NALF1: variants seen among roughly 807,000 people sequenced by gnomAD.
NALF1 encodes the protein family with sequence similarity 155 member A.
In NALF1, 3 loss-of-function variants were observed where a neutral mutation model predicts 48.4. The ratio of observed to expected loss-of-function variants is 0.06; its 90% CI spans 0.03 to 0.16. The LOEUF is 0.16. Ranked by LOEUF, NALF1 falls within the 10% of genes least tolerant of loss-of-function variation. NALF1 has a pLI of 1.00. For synonymous variants in NALF1, 262 were observed against 245.7 expected, an observed-to-expected ratio of 1.07 and a Z score of -0.62; for missense variants, 526 against 571.5, an observed-to-expected ratio of 0.92 and a Z score of 0.81.
intron 1 of NALF1, among the ~76,000 whole-genome samples, chr13:107,670,153 G>C (rs1471538992): frequency 6.6e-6 from 1 of 152,042 alleles, no homozygotes; most frequent in Non-Finnish European, 1.5e-5. Context: ...GAATTTGCTG[G>C]TGTGCGTAAA....
At chr13:107,189,803 G>A (rs1211418808) in intron 2 of NALF1, among the ~76,000 whole-genome samples, 2 of 152,206 alleles carry the variant, frequency 1.3e-5, no homozygotes, top group Non-Finnish European at 2.9e-5. Flanking sequence ...GGTGCCTAAG[G>A]AGTTTCATGA....
intron 1 of NALF1, among the ~76,000 whole-genome samples, chr13:107,407,378 G>T (rs931686024): frequency 1.3e-5 from 2 of 151,962 alleles, no homozygotes; most frequent in African/African-American, 4.8e-5. Context: ...TTAATCACCA[G>T]AATATATAAG....
intron 1 of NALF1, among the ~76,000 whole-genome samples, chr13:107,370,632 C>G (rs1448605319): frequency 1.0e-5 from 1 of 99,852 alleles, no homozygotes. Context: ...CCATGCTGAG[C>G]TGCTTCTTTA....
intron 1 of NALF1, among the ~76,000 whole-genome samples, chr13:107,862,485 G>T (rs553308344): frequency 6.6e-6 from 1 of 151,950 alleles, no homozygotes; most frequent in African/African-American, 2.4e-5. Context: ...TTCTGCTGTA[G>T]TATTTACTAC....
chr13:107,799,343 G>A (rs1298768298), intron 1 of NALF1, among the ~76,000 whole-genome samples: 1 of 152,198 alleles, frequency 6.6e-6, no homozygotes, highest in Non-Finnish European at 1.5e-5. Flanking sequence ...TCCCTTGCAG[G>A]TACGGAGATG....
chr13:107,612,294 G>C (rs541142337), intron 1 of NALF1, among the ~76,000 whole-genome samples: 1 of 152,270 alleles, frequency 6.6e-6, no homozygotes, highest in African/African-American at 2.4e-5. Flanking sequence ...TTGCTGTTCA[G>C]TAGGTATGAA....
At chr13:107,631,816 A>G (rs1417060882) in intron 1 of NALF1, among the ~76,000 whole-genome samples, 2 of 152,192 alleles carry the variant, frequency 1.3e-5, no homozygotes, top group Non-Finnish European at 2.9e-5. Flanking sequence ...AAATATTAGA[A>G]GTATTTCATG....
chr13:107,821,895 A>G (rs1879369896), intron 1 of NALF1, among the ~76,000 whole-genome samples: 1 of 152,194 alleles, frequency 6.6e-6, no homozygotes, highest in African/African-American at 2.4e-5. Flanking sequence ...ACATTCAAAC[A>G]TATTTTAGAA....
At chr13:107,799,347 G>A (rs982824630) in intron 1 of NALF1, among the ~76,000 whole-genome samples, 2 of 152,162 alleles carry the variant, frequency 1.3e-5, no homozygotes, top group African/African-American at 2.4e-5. Flanking sequence ...TTGCAGGTAC[G>A]GAGATGAAAG....
At chr13:107,838,245 A>G (rs1205537893) in intron 1 of NALF1, among the ~76,000 whole-genome samples, 2 of 152,032 alleles carry the variant, frequency 1.3e-5, no homozygotes, top group Non-Finnish European at 2.9e-5. Flanking sequence ...GGATTGTCAG[A>G]AAAGCACCCT....
intron 1 of NALF1, among the ~76,000 whole-genome samples, chr13:107,589,507 T>C (rs1303338847): frequency 1.3e-5 from 2 of 152,050 alleles, no homozygotes; most frequent in Non-Finnish European, 2.9e-5. Context: ...ATTCTTGATA[T>C]ATTCAAACAG....
chr13:107,679,612 C>T (rs1020541985), intron 1 of NALF1, among the ~76,000 whole-genome samples: 3 of 152,310 alleles, frequency 2.0e-5, no homozygotes, highest in South Asian at 2.1e-4. Context: ...ACCTCCTCAG[C>T]GCCCCCCACG....
rs79200638 is a variant in NALF1, at chr13:107,520,952, C to T, written c.916-310197G>A. Reference sequence around the variant, plus strand: ...CTCCACGGGATAAGGCTAAGAAAGACGTACCCAGTGATCTATGCTTTACAC... The same window carrying T: ...CTCCACGGGATAAGGCTAAGAAAGATGTACCCAGTGATCTATGCTTTACAC... On this transcript the variant is annotated intron_variant, in intron 1 of 2. Coordinates refer to ENST00000375915, the MANE Select transcript of NALF1 (RefSeq NM_001080396.3). 4.9e-4 allele frequency among the ~76,000 whole-genome samples: 74 copies of T among 152,228 alleles called. 1 individual carries two copies. The East Asian group carries it at 0.012, about 26-fold the overall frequency.
chr13:107,354,304 T>C (rs1198109926), intron 1 of NALF1, among the ~76,000 whole-genome samples: 2 of 150,934 alleles, frequency 1.3e-5, no homozygotes, highest in Non-Finnish European at 3.0e-5. Flanking sequence ...ATGTGAGAGG[T>C]GGTATTGGGG....
intron 1 of NALF1, among the ~76,000 whole-genome samples, chr13:107,346,357 C>G (rs894458568): frequency 1.1e-4 from 17 of 152,044 alleles, no homozygotes; most frequent in Non-Finnish European, 7.4e-5. Context: ...ACGCAATATC[C>G]AAGAGGCAGA....
chr13:107,494,449 C>T (rs1175168904), intron 1 of NALF1, among the ~76,000 whole-genome samples: 2 of 152,140 alleles, frequency 1.3e-5, no homozygotes, highest in East Asian at 3.8e-4. Context: ...GAGCTGAAAT[C>T]AACACTGCTT....
intron 1 of NALF1, among the ~76,000 whole-genome samples, chr13:107,523,070 A>G (rs545073873): frequency 6.6e-6 from 1 of 152,294 alleles, no homozygotes; most frequent in South Asian, 2.1e-4. Context: ...GAATGGATAA[A>G]CCAGTTGGCA....
intron 1 of NALF1, among the ~76,000 whole-genome samples, chr13:107,576,972 A>C (rs990740194): frequency 6.6e-6 from 1 of 152,190 alleles, no homozygotes; most frequent in Non-Finnish European, 1.5e-5. Context: ...CAATTCCCTT[A>C]AATAAATTAG....
chr13:107,805,868 C>T (rs977472750), intron 1 of NALF1, among the ~76,000 whole-genome samples: 1 of 152,070 alleles, frequency 6.6e-6, no homozygotes, highest in East Asian at 1.9e-4. Flanking sequence ...ATCCCTAAAG[C>T]CTGTGGGCTG....
Sources: gnomAD v4.1 joint callset for allele counts (sites outside exome capture counted in the v4.1 genomes callset) on GRCh38, gnomAD v4.1.1 for gene constraint, MANE v1.5 for transcripts, NCBI Gene and HGNC (gene_info 2026-07-23, HGNC 2026-07-21) for gene names.